The following RNF157 variants were observed in gnomAD, a reference collection of about 807,000 sequenced individuals.
RNF157 encodes the protein ring finger protein 157.
RNF157 carries 55 observed loss-of-function variants against 88.3 expected under a neutral mutation model. The observed-to-expected ratio is 0.62, with a 90% CI of 0.50 to 0.78. The LOEUF (loss-of-function observed/expected upper bound fraction) is 0.78, where lower values mean the gene tolerates loss of function less well. RNF157 is among the 30% of genes least tolerant of loss of function. The probability of loss-of-function intolerance (pLI) is 0.00; values close to 1 mark genes in which losing one functional copy is unlikely to be tolerated. For missense variants in RNF157, 788 were observed against 860.8 expected, an observed-to-expected ratio of 0.92 and a Z score of 1.06; for synonymous variants, 334 against 341.2, an observed-to-expected ratio of 0.98 and a Z score of 0.23.
rs908201562 is a variant in RNF157 at position 76,176,605 on chromosome 17, A to AG, written c.208-2816dup. 3.1e-4 allele frequency among the ~76,000 whole-genome samples: 47 copies of AG among 152,196 alleles called. No homozygotes were observed. The highest frequency in any genetic ancestry group is 1.1e-3 in the African/African-American group (47 of 41,452). ...CCGCTGCCATCACAACGGCTGCTGC[A>AG]GGGGGGTCGCAGGGAGCAGACAGAC... On this transcript the variant is annotated intron_variant, in intron 2 of 18. Transcript: ENST00000269391. This position sits in a 1 kb window ranked among gnomAD's most constrained non-coding sequence, Gnocchi z 4.2.
intron 1 of RNF157, among the ~76,000 whole-genome samples, chr17:76,237,369 T>C (rs1277584789): frequency 4.6e-5 from 7 of 152,230 alleles, no homozygotes; most frequent in South Asian, 2.1e-4. Context: ...GCGAGCCAGA[T>C]AGTGGTCTCA....
At chr17:76,219,807 C>T (rs1165291137) in intron 1 of RNF157, among the ~76,000 whole-genome samples, 1 of 151,902 alleles carries the variant, frequency 6.6e-6, no homozygotes, top group Non-Finnish European at 1.5e-5. Flanking sequence ...AAAAATATAT[C>T]TCAAACAGTT....
intron 9 of RNF157, 80 bp from the exon 10 acceptor site, chr17:76,162,082 A>C (rs2068854345): frequency 7.1e-7 from 1 of 1,415,536 alleles, no homozygotes; most frequent in Non-Finnish European, 9.7e-7. Flanking sequence ...AGCGTGGCTG[A>C]AGAGCTAAGA....
chr17:76,229,395 A>G (rs2070149993), intron 1 of RNF157, among the ~76,000 whole-genome samples: 1 of 152,248 alleles, frequency 6.6e-6, no homozygotes, highest in Admixed American at 6.5e-5. Context: ...TATTTGTAAA[A>G]TAGAGACAAT....
At chr17:76,175,817 C>A in intron 2 of RNF157, 1 of 982,844 alleles carries the variant, frequency 1.0e-6, no homozygotes, top group Non-Finnish European at 1.2e-6. Flanking sequence ...CCACTCCCTG[C>A]CGCAAAAGAG....
chr17:76,165,804 GT>G (rs1451628186), intron 6 of RNF157, among the ~76,000 whole-genome samples: 1 of 151,830 alleles, frequency 6.6e-6, no homozygotes, highest in Non-Finnish European at 1.5e-5. Flanking sequence ...AGCCTCCCAA[GT>G]ATCTGGGATT....
intron 18 of RNF157, 64 bp downstream of exon 18, chr17:76,152,291 G>A: frequency 9.4e-7 from 1 of 1,058,446 alleles, no homozygotes; most frequent in Non-Finnish European, 1.5e-6. Context: ...ACCAGGGTGA[G>A]AGCAGGGGTA....
chr17:76,202,128 T>TCTCACACA (rs1250661867), intron 2 of RNF157, among the ~76,000 whole-genome samples: 53 of 134,666 alleles, frequency 3.9e-4, no homozygotes, highest in South Asian at 1.5e-3. Flanking sequence ...TCTCTCTCTC[T>TCTCACACA]CACACACACA....
intron 17 of RNF157, 59 bp downstream of exon 17, chr17:76,154,224 A>G: frequency 1.5e-6 from 2 of 1,302,804 alleles, no homozygotes; most frequent in South Asian, 1.2e-5. Flanking sequence ...TTTACCCCTT[A>G]AAGAATACCC....
At chr17:76,214,463 C>T (rs1234286465) in intron 1 of RNF157, among the ~76,000 whole-genome samples, 1 of 152,172 alleles carries the variant, frequency 6.6e-6, no homozygotes, top group African/African-American at 2.4e-5. Flanking sequence ...TACTGCTATA[C>T]CTCCATAACC....
At chr17:76,211,453 T>C (rs1483023083) in intron 2 of RNF157, among the ~76,000 whole-genome samples, 5 of 152,234 alleles carry the variant, frequency 3.3e-5, no homozygotes, top group African/African-American at 1.2e-4. Context: ...TTTCCTGTTT[T>C]CTGTGTTTTG....
chr17:76,226,390 G>C (rs1030677983), intron 1 of RNF157: 2 of 1,593,678 alleles, frequency 1.3e-6, no homozygotes, highest in Non-Finnish European at 1.7e-6. Flanking sequence ...GGCCAATTGG[G>C]TTCACCATCT....
chr17:76,222,389 T>C (rs2070000677), intron 1 of RNF157, among the ~76,000 whole-genome samples: 1 of 151,678 alleles, frequency 6.6e-6, no homozygotes, highest in African/African-American at 2.4e-5. Flanking sequence ...TAGTGGATTG[T>C]GCAACACTGT....
Position 76,146,995 on chromosome 17 carries a change from A to G in RNF157, c.1922-1642T>C, listed in dbSNP as rs1240374171. 2 of 985,270 alleles carry G rather than the reference A, an allele frequency of 2.0e-6. No individual in the cohort carries two copies. Among genetic ancestry groups the G allele is most frequent in the Non-Finnish European group, 2.4e-6 (2 of 829,916 alleles). The allele number at this position is 985,270 out of a possible 1,614,324, so 61.0% of individuals were successfully genotyped here. A position where few individuals can be genotyped will look rare whatever the true frequency, so the allele number is the denominator to read the frequency against. On this transcript the variant is annotated intron_variant, in intron 18 of 18. Coordinates refer to ENST00000269391, the MANE Select transcript of RNF157 (RefSeq NM_052916.3). This position sits in a 1 kb window ranked among gnomAD's most constrained non-coding sequence, Gnocchi z 4.2. ...CTAATCCACCTCAGGCTCTAGTAAC[A>G]GTCTCTGGTGCTTGACCCCAGGGGA...
chr17:76,213,622 T>C (rs112795063), intron 1 of RNF157, among the ~76,000 whole-genome samples: 1 of 151,992 alleles, frequency 6.6e-6, no homozygotes, highest in Non-Finnish European at 1.5e-5. Flanking sequence ...CTTTTTTTTT[T>C]GTCTTTACAT....
At chr17:76,182,403 G>C (rs1396356807) in intron 2 of RNF157, among the ~76,000 whole-genome samples, 2 of 151,818 alleles carry the variant, frequency 1.3e-5, no homozygotes, top group Non-Finnish European at 2.9e-5. Context: ...ATGCAGGCCA[G>C]AAGGGTGCAC....
At chr17:76,177,417 G>GT (rs1179902902) in intron 2 of RNF157, among the ~76,000 whole-genome samples, 1 of 151,578 alleles carries the variant, frequency 6.6e-6, no homozygotes, top group Non-Finnish European at 1.5e-5. Context: ...CCAAGGTGCT[G>GT]TTGCAGCCAG....
chr17:76,210,892 C>A (rs758695882), intron 2 of RNF157, among the ~76,000 whole-genome samples: 1 of 152,162 alleles, frequency 6.6e-6, no homozygotes, highest in Non-Finnish European at 1.5e-5. Flanking sequence ...GCAACCTCCA[C>A]TTCCCGGGTT....
At chr17:76,225,782 C>A in intron 1 of RNF157, 1 of 1,548,534 alleles carries the variant, frequency 6.5e-7, no homozygotes, top group Middle Eastern at 1.8e-4. Context: ...CCTTGCCTTG[C>A]GGACCTCTTC....
Sources: gnomAD v4.1 joint callset for allele counts (sites outside exome capture counted in the v4.1 genomes callset) on GRCh38, gnomAD v4.1.1 for gene constraint, Gnocchi (gnomAD v3.1) non-coding constraint, MANE v1.5 for transcripts, NCBI Gene and HGNC (gene_info 2026-07-23, HGNC 2026-07-21) for gene names.